The following ELL variants were observed in gnomAD, a reference collection of about 807,000 sequenced individuals.
The protein encoded by ELL is RNA polymerase II elongation factor ELL.
In ELL, 18 loss-of-function variants were observed where a neutral mutation model predicts 64.0. The ratio of observed to expected loss-of-function variants is 0.28; its 90% CI spans 0.19 to 0.42. The LOEUF (loss-of-function observed/expected upper bound fraction) is 0.42. ELL is among the 10% of genes least tolerant of loss of function. ELL has a pLI of 1.00. For synonymous variants in ELL, 399 were observed against 376.2 expected, an observed-to-expected ratio of 1.06 and a Z score of -0.70; for missense variants, 797 against 870.4, an observed-to-expected ratio of 0.92 and a Z score of 1.06.
At chr19:18,486,924 C>T (rs1212337933) in intron 1 of ELL, among the ~76,000 whole-genome samples, 1 of 152,170 alleles carries the variant, frequency 6.6e-6, no homozygotes, top group Non-Finnish European at 1.5e-5. Flanking sequence ...AGGTTGGCAT[C>T]GGGTCCTGCC....
chr19:18,473,144 C>G (rs188096188), intron 1 of ELL: 1 of 673,834 alleles, frequency 1.5e-6, no homozygotes, highest in Non-Finnish European at 2.7e-6. Flanking sequence ...ACACAGGCAA[C>G]AGGCTGGCGG....
intron 1 of ELL, among the ~76,000 whole-genome samples, chr19:18,495,002 G>A (rs904834763): frequency 6.6e-6 from 1 of 152,210 alleles, no homozygotes; most frequent in South Asian, 2.1e-4. Context: ...TATGGCTGGC[G>A]CTAACTCAAT....
chr19:18,488,251 C>A (rs899912161), intron 1 of ELL, among the ~76,000 whole-genome samples: 1 of 152,210 alleles, frequency 6.6e-6, no homozygotes, highest in African/African-American at 2.4e-5. Context: ...GACTTCTTCC[C>A]AGAAAGATGC....
intron 1 of ELL, among the ~76,000 whole-genome samples, chr19:18,503,391 C>T (rs1600495910): frequency 6.6e-6 from 1 of 152,330 alleles, no homozygotes; most frequent in East Asian, 1.9e-4. Context: ...AGCGAGGGAG[C>T]CCCAGCAAGT....
At chr19:18,504,919 G>T (rs1975851465) in intron 1 of ELL, among the ~76,000 whole-genome samples, 1 of 152,238 alleles carries the variant, frequency 6.6e-6, no homozygotes, top group Non-Finnish European at 1.5e-5. Flanking sequence ...GCCTGGGGAT[G>T]TGTGATGCCT....
At chr19:18,521,434 G>A (rs1311407627) in intron 1 of ELL, among the ~76,000 whole-genome samples, 2 of 151,854 alleles carry the variant, frequency 1.3e-5, no homozygotes, top group Non-Finnish European at 2.9e-5. Flanking sequence ...ACCCCCTGCC[G>A]GGCACCCAGA....
chr19:18,499,202 A>G (rs1343352560), intron 1 of ELL, among the ~76,000 whole-genome samples: 1 of 152,164 alleles, frequency 6.6e-6, no homozygotes, highest in African/African-American at 2.4e-5. Flanking sequence ...GAATGACACA[A>G]GGGCCACCAG....
intron 1 of ELL, among the ~76,000 whole-genome samples, chr19:18,490,099 C>T (rs978215775): frequency 3.9e-5 from 6 of 152,190 alleles, no homozygotes; most frequent in African/African-American, 7.2e-5. Context: ...ACCCTGCTGT[C>T]GCCTTCTCTC....
chr19:18,492,134 C>T (rs759303980), intron 1 of ELL, among the ~76,000 whole-genome samples: 4 of 152,168 alleles, frequency 2.6e-5, no homozygotes, highest in Non-Finnish European at 5.9e-5. Context: ...TCTGAGCCCC[C>T]ACTGAGACCA....
intron 1 of ELL, among the ~76,000 whole-genome samples, chr19:18,509,582 T>TGCGC (rs138250487): frequency 1.6e-4 from 15 of 95,554 alleles, no homozygotes; most frequent in South Asian, 3.6e-4. Context: ...CCAATGCACG[T>TGCGC]GCGCGCGCGC....
Position 18,509,600 on chromosome 19 carries a change from C to CACACAT in ELL, c.135+12320_135+12321insATGTGT, listed in dbSNP as rs1975970200. 1.6e-4 allele frequency among the ~76,000 whole-genome samples: 2 copies of CACACAT among 12,278 alleles called. 1 individual carries two copies. The highest frequency in any genetic ancestry group is 3.1e-4 in the Non-Finnish European group (2 of 6,428). 8.1% of individuals were successfully genotyped at this position (12,278 alleles called of 152,430 possible). ...ATGCACGTGCGCGCGCGCGCACATA[C>CACACAT]ACACACACACACACACACACACACA... On this transcript the variant is annotated intron_variant, in intron 1 of 11. Transcript: ENST00000262809.
intron 4 of ELL, 39 bp downstream of exon 4, chr19:18,465,373 G>T (rs756313456): frequency 6.5e-7 from 1 of 1,548,210 alleles, no homozygotes; most frequent in Non-Finnish European, 8.7e-7. Flanking sequence ...ACTGGCAGCT[G>T]CCCGGCTGCC....
intron 11 of ELL, 85 bp from the exon 12 acceptor site, chr19:18,444,953 C>A: frequency 6.9e-7 from 1 of 1,441,106 alleles, no homozygotes; most frequent in Non-Finnish European, 9.4e-7. Context: ...CCCCCCAAAC[C>A]AAAAACCTGG....
intron 1 of ELL, among the ~76,000 whole-genome samples, chr19:18,478,748 G>A (rs1312290805): frequency 1.3e-5 from 2 of 152,236 alleles, no homozygotes; most frequent in African/African-American, 2.4e-5. Flanking sequence ...TTCAGACCCT[G>A]ACTCGGAGAA....
At chr19:18,521,817 C>T in intron 1 of ELL, 104 bp downstream of exon 1, 1 of 1,440,992 alleles carries the variant, frequency 6.9e-7, no homozygotes, top group East Asian at 2.7e-5. Context: ...CGAGCAGCAC[C>T]ACAGACCTAG....
intron 1 of ELL, among the ~76,000 whole-genome samples, chr19:18,496,160 GC>G (rs989726920): frequency 2.0e-5 from 3 of 152,188 alleles, no homozygotes; most frequent in African/African-American, 7.2e-5. Flanking sequence ...CCATGGCTGC[GC>G]CCCACAAAAG....
At chr19:18,503,132 C>T (rs534103142) in intron 1 of ELL, among the ~76,000 whole-genome samples, 5 of 152,348 alleles carry the variant, frequency 3.3e-5, no homozygotes, top group South Asian at 2.1e-4. Flanking sequence ...AAAGGGAACT[C>T]GCACTGTGCC....
At position 18,444,941 on chromosome 19, in the gene ELL, TC is replaced by T. The variant is rs553500324; in HGVS notation, c.1750-74del. On this transcript the variant is annotated intron_variant, in intron 11 of 11. Coordinates refer to ENST00000262809, the MANE Select transcript of ELL (RefSeq NM_006532.4). The stretch of plus-strand genomic sequence containing the variant: ...GCTCCCCGCTGTAAGCAGGCCAGTG[TC>T]CCCCCCAAACCAAAAACCTGGGCTT... The T allele has an allele frequency of 1.1e-3, 1,705 of 1,501,998 alleles. 1 individual carries two copies. The highest frequency in any genetic ancestry group is 1.4e-3 in the Non-Finnish European group (1,559 of 1,112,036). The allele number at this position is 1,501,998 out of a possible 1,614,324, so 93.0% of individuals were successfully genotyped here. A position where few individuals can be genotyped will look rare whatever the true frequency, so the allele number is the denominator to read the frequency against.
At chr19:18,509,593 G>GCGCGCGCGCGCGCGCA (rs1438642062) in intron 1 of ELL, among the ~76,000 whole-genome samples, 12 of 83,238 alleles carry the variant, frequency 1.4e-4, no homozygotes, top group South Asian at 4.7e-4. Context: ...GCGCGCGCGC[G>GCGCGCGCGCGCGCGCA]CACATACACA....
Sources: gnomAD v4.1 joint callset for allele counts (sites outside exome capture counted in the v4.1 genomes callset) on GRCh38, gnomAD v4.1.1 for gene constraint, MANE v1.5 for transcripts, NCBI Gene and HGNC (gene_info 2026-07-23, HGNC 2026-07-21) for gene names.